CYP2R1: variants seen among roughly 807,000 people sequenced by gnomAD.
CYP2R1 encodes the protein vitamin D 25-hydroxylase.
CYP2R1 carries 40 observed loss-of-function variants against 45.7 expected under a neutral mutation model. The ratio of observed to expected loss-of-function variants is 0.87; its 90% CI spans 0.68 to 1.14. The LOEUF (loss-of-function observed/expected upper bound fraction) is 1.14. Among genes scored for constraint, CYP2R1 ranks in the 50% most tolerant of loss-of-function variants. CYP2R1 has a pLI of 0.00. For missense variants in CYP2R1, 605 were observed against 602.6 expected (o/e 1.00, Z -0.04); for synonymous variants, 234 against 219.3 (o/e 1.07, Z -0.59).
chr11:14,889,753 T>A (rs1555015952), intron 1 of CYP2R1, among the ~76,000 whole-genome samples: 1 of 152,228 alleles, frequency 6.6e-6, no homozygotes, highest in Non-Finnish European at 1.5e-5. Context: ...TAATTCCTTT[T>A]TCTGTGAGAA....
intron 2 of CYP2R1, among the ~76,000 whole-genome samples, chr11:14,882,148 G>A (rs890046818): frequency 1.1e-4 from 17 of 152,000 alleles, no homozygotes; most frequent in Non-Finnish European, 1.9e-4. Flanking sequence ...ACATGTATTT[G>A]TGGAACACCT....
At position 14,885,757 on chromosome 11, in the gene CYP2R1, T is replaced by C. The variant is rs1555014200; in HGVS notation, c.367+19A>G. On this transcript the variant is annotated intron_variant, in intron 2 of 4. Coordinates refer to ENST00000334636, the MANE Select transcript of CYP2R1 (RefSeq NM_024514.5). ...TAAAATATCTTAGTAAATCACTAAA[T>C]AGGTGCAAATAAACATACCTCCCAT... is the stretch of plus-strand genomic sequence containing the variant. The C allele has an allele frequency of 6.2e-7, 1 of 1,610,256 alleles. No homozygotes were observed. Among genetic ancestry groups the C allele is most frequent in the South Asian group, 1.1e-5 (1 of 90,958 alleles).
At chr11:14,891,599 T>C (rs1208821924) in intron 1 of CYP2R1, 3 of 1,062,716 alleles carry the variant, frequency 2.8e-6, no homozygotes, top group African/African-American at 1.7e-5. Flanking sequence ...TCCACAGAGC[T>C]GCGAGGCCGA....
chr11:14,878,111 C>A lies in CYP2R1; in HGVS notation c.*11G>T, dbSNP rs1555010209. On this transcript the variant is annotated 3_prime_UTR_variant, in exon 5 of 5. Coordinates refer to ENST00000334636, the MANE Select transcript of CYP2R1 (RefSeq NM_024514.5). ...TATACATTCTTGTTCCCGAAAACAT[C>A]CCAGGCAGTTTCAGCGTCTTTCAGC... 10 of 1,612,736 alleles carry A rather than the reference C, an allele frequency of 6.2e-6. No homozygotes were observed. Among genetic ancestry groups the A allele is most frequent in the African/African-American group, 2.7e-5 (2 of 74,924 alleles).
intron 1 of CYP2R1, chr11:14,887,778 T>G (rs1262476096): frequency 4.9e-6 from 1 of 204,430 alleles, no homozygotes; most frequent in African/African-American, 2.4e-5. Context: ...ACTGACTCAT[T>G]ATCTTCTTCC....
intron 1 of CYP2R1, among the ~76,000 whole-genome samples, chr11:14,890,161 A>C (rs1555016146): frequency 6.6e-6 from 1 of 151,926 alleles, no homozygotes; most frequent in Non-Finnish European, 1.5e-5. Context: ...TAACATACAC[A>C]ATAACCAAGA....
At chr11:14,883,902 T>G (rs1189989411) in intron 2 of CYP2R1, among the ~76,000 whole-genome samples, 1 of 152,124 alleles carries the variant, frequency 6.6e-6, no homozygotes, top group African/African-American at 2.4e-5. Flanking sequence ...AAAGAAGACA[T>G]TTATGCAGCC....
Position 14,891,415 on chromosome 11 carries a change from G to A in CYP2R1, c.225+566C>T, listed in dbSNP as rs536764551. On this transcript the variant is annotated intron_variant, in intron 1 of 4. Coordinates refer to ENST00000334636, the MANE Select transcript of CYP2R1 (RefSeq NM_024514.5). ...GGATTTTAGTCATCAATTCATTCAC[G>A]CGTTCACAATCGTTTCCCAGGGCCC... 3.0e-6 allele frequency: 3 copies of A among 985,746 alleles called. No homozygotes were observed. In the East Asian group the frequency reaches 3.4e-4, roughly 112 times the overall value. The allele number at this position is 985,746 out of a possible 1,614,324, so 61.1% of individuals were successfully genotyped here.
intron 1 of CYP2R1, chr11:14,890,784 G>C: frequency 2.5e-6 from 2 of 790,696 alleles, no homozygotes; most frequent in Non-Finnish European, 3.1e-6. Flanking sequence ...TCCTGATTTC[G>C]TGATCCGCCC....
Position 14,880,609 on chromosome 11 carries a change from G to A in CYP2R1, c.527C>T (p.Pro176Leu). 1 of 1,611,786 alleles carries A rather than the reference G, an allele frequency of 6.2e-7. No individual in the cohort carries two copies. Among genetic ancestry groups the A allele is most frequent in the East Asian group, 2.2e-5 (1 of 44,838 alleles). ...CGTTATTAACTGTTTAAAGTCAAAA[G>A]GTCTACCTTTGTATGTTTCAATAGC... ...NDAIETYKGRPFDFKQLITNA... is the reference protein window; with the variant it reads ...NDAIETYKGRLFDFKQLITNA... Residue 176 changes from proline to leucine, a missense_variant, in exon 3 of 5, where the codon CCT becomes CTT. Transcript: ENST00000334636.
intron 1 of CYP2R1, chr11:14,891,702 A>C: frequency 4.5e-4 from 527 of 1,166,914 alleles, no homozygotes; most frequent in East Asian, 3.0e-3. Flanking sequence ...CGCAGGAGCA[A>C]GAGCTCGAGC....
intron 2 of CYP2R1, 101 bp from the exon 3 acceptor site, chr11:14,880,869 C>T: frequency 9.0e-7 from 1 of 1,106,758 alleles, no homozygotes; most frequent in East Asian, 2.6e-5. Context: ...CATCCTTCTC[C>T]AAATTGTCCT....
Position 14,879,318 on chromosome 11 carries a change from G to A in CYP2R1, c.1126C>T (p.Pro376Ser), listed in dbSNP as rs782153744. 6.2e-7 allele frequency: 1 copy of A among 1,612,928 alleles called. No individual in the cohort carries two copies. Among genetic ancestry groups the A allele is most frequent in the Admixed American group, 1.7e-5 (1 of 59,810 alleles). Residue 376 changes from proline to serine, a missense_variant, in exon 4 of 5, where the codon CCA (proline) becomes TCA (serine). Physicochemically the swap from Pro to Ser is moderately conservative, Grantham distance 74. Transcript: ENST00000334636. ...HEVLRFCNIV[P>S]LGIFHATSED... ...GAGGTTGCATGGAAAATCCCTAATG[G>A]AACTATATTACAGAATCTTAAAACT...
chr11:14,892,372 T>A, upstream of CYP2R1: 1 of 663,824 alleles, frequency 1.5e-6, no homozygotes, highest in Admixed American at 2.8e-5. Flanking sequence ...TACCTTCTAG[T>A]TTTGCGCGGC....
chr11:14,885,992 G>A (rs782211370), intron 1 of CYP2R1, 75 bp from the exon 2 acceptor site: 11 of 1,421,188 alleles, frequency 7.7e-6, no homozygotes, highest in Admixed American at 6.8e-5. Context: ...ATCTACAAGT[G>A]GTAAGTGCGG....
Position 14,877,771 on chromosome 11 carries a change from A to AG in CYP2R1, c.*350dup. ...AGAAGGGAGCTGGTTTCTGGAACCA[A>AG]GGCCCCCCAGGACAGAAGGCAGATG... On this transcript the variant is annotated 3_prime_UTR_variant, in exon 5 of 5. Transcript: ENST00000334636. The AG allele has an allele frequency of 4.8e-6, 1 of 208,114 alleles. No individual in the cohort carries two copies. Among genetic ancestry groups the AG allele is most frequent in the Non-Finnish European group, 9.6e-6 (1 of 104,520 alleles). The allele number at this position is 208,114 out of a possible 1,614,324, so 12.9% of individuals were successfully genotyped here. A position where few individuals can be genotyped will look rare whatever the true frequency, so the allele number is the denominator to read the frequency against.
rs1409134230 is a variant in CYP2R1 at position 14,890,865 on chromosome 11, TA to T, written c.225+1115del. ...GCCCGGGCACCTAGACCAATCCTTG[TA>T]AAAATTGGTTTAAGTAAGGATTTAA... On this transcript the variant is annotated intron_variant, in intron 1 of 4. Transcript: ENST00000334636. 1.0e-5 allele frequency: 10 copies of T among 985,242 alleles called. No individual in the cohort carries two copies. In the African/African-American group the frequency reaches 1.6e-4, roughly 16 times the overall value. The allele number at this position is 985,242 out of a possible 1,614,324, so 61.0% of individuals were successfully genotyped here.
chr11:14,882,288 C>G (rs1409683733), intron 2 of CYP2R1, among the ~76,000 whole-genome samples: 4 of 151,936 alleles, frequency 2.6e-5, no homozygotes, highest in Non-Finnish European at 5.9e-5. Flanking sequence ...TTATACAGCA[C>G]GTAAAAAGAT....
At chr11:14,886,797 A>G (rs1450042976) in intron 1 of CYP2R1, 1 of 152,258 alleles carries the variant, frequency 6.6e-6, no homozygotes, top group African/African-American at 2.4e-5. Context: ...AGTCAAGGAG[A>G]TTTAGCCATG....
Sources: allele counts gnomAD v4.1 joint callset (sites outside exome capture counted in the v4.1 genomes callset), GRCh38; gene constraint gnomAD v4.1.1; transcripts MANE v1.5; gene names NCBI Gene and HGNC (gene_info 2026-07-23, HGNC 2026-07-21).